CDK13: variants seen among roughly 807,000 people sequenced by gnomAD.
CDK13 encodes the protein cyclin-dependent kinase 13.
A neutral mutation model predicts 137.6 loss-of-function variants in CDK13; 40 were observed. The observed-to-expected ratio is 0.29, with a 90% CI of 0.23 to 0.38. The LOEUF (loss-of-function observed/expected upper bound fraction) is 0.38. Ranked by LOEUF, CDK13 falls within the 10% of genes least tolerant of loss-of-function variation. CDK13 has a pLI of 1.00. For missense variants in CDK13, 1,704 were observed against 1,951.8 expected (o/e 0.87, Z 2.39); for synonymous variants, 869 against 760.1 (o/e 1.14, Z -2.36).
chr7:40,086,190 A>C (rs937414898), intron 11 of CDK13, among the ~76,000 whole-genome samples: 2 of 152,232 alleles, frequency 1.3e-5, no homozygotes, highest in Non-Finnish European at 2.9e-5. Context: ...ATTTTATAAC[A>C]TGACTAATTG....
At position 40,019,333 on chromosome 7, in the gene CDK13, CTT is replaced by C. The variant is rs1221865696; in HGVS notation, c.2353+17303_2353+17304del. ...AAATTTTCTGTTAAAATGTAACAAA[CTT>C]AAGCTAAAATTCAGTTTATTCCTTT... On this transcript the variant is annotated intron_variant, in intron 5 of 13. Coordinates refer to ENST00000181839, the MANE Select transcript of CDK13 (RefSeq NM_003718.5). Among the ~76,000 whole-genome samples the C allele has an allele frequency of 5.9e-5, 9 of 152,204 alleles. No homozygotes were observed. The East Asian group carries it at 1.4e-3, about 23-fold the overall frequency.
At chr7:40,000,237 A>G (rs1419173648) in intron 4 of CDK13, among the ~76,000 whole-genome samples, 1 of 152,162 alleles carries the variant, frequency 6.6e-6, no homozygotes, top group Non-Finnish European at 1.5e-5. Flanking sequence ...TTAGCCGGGC[A>G]TAGTGGCACA....
At chr7:40,063,711 G>T (rs936982721) in intron 9 of CDK13, among the ~76,000 whole-genome samples, 1 of 151,788 alleles carries the variant, frequency 6.6e-6, no homozygotes, top group African/African-American at 2.4e-5. Flanking sequence ...AGGCTGGAGT[G>T]CAGTGGCATG....
In CDK13 at chr7:40,097,317, A is replaced by C. The variant is rs1787069248; in HGVS notation, c.*2337A>C. The C allele has an allele frequency of 6.6e-6, 1 of 152,106 alleles. No homozygotes were observed. The highest frequency in any genetic ancestry group is 2.4e-5 in the African/African-American group (1 of 41,446). The allele number at this position is 152,106 out of a possible 1,614,324, so 9.4% of individuals were successfully genotyped here. On this transcript the variant is annotated 3_prime_UTR_variant, in exon 14 of 14. Coordinates refer to ENST00000181839, the MANE Select transcript of CDK13 (RefSeq NM_003718.5). ...TTTTATATGTCACTTAGAAGAAAAAATGTTGCCAATTAAGCCACAATACAA... is the reference window on the plus strand; with the variant it reads ...TTTTATATGTCACTTAGAAGAAAAACTGTTGCCAATTAAGCCACAATACAA...
chr7:40,017,820 TA>T (rs1200720166), intron 5 of CDK13, among the ~76,000 whole-genome samples: 14 of 151,714 alleles, frequency 9.2e-5, no homozygotes, highest in African/African-American at 2.2e-4. Flanking sequence ...TTTTTTATAT[TA>T]AAAAAAATTC....
chr7:39,950,426 C>T lies in CDK13; in HGVS notation c.-216C>T. ...AATCGGGAGCTCCGCCGCCCGGATT[C>T]CTGCTTCCCTGGGGCCCGGAGGCTG... On this transcript the variant is annotated 5_prime_UTR_variant, in exon 1 of 14. Coordinates refer to ENST00000181839, the MANE Select transcript of CDK13 (RefSeq NM_003718.5). 2 of 1,232,336 alleles carry T rather than the reference C, an allele frequency of 1.6e-6. No individual in the cohort carries two copies. Among genetic ancestry groups the T allele is most frequent in the African/African-American group, 1.6e-5 (1 of 64,436 alleles). 76.3% of individuals were successfully genotyped at this position (1,232,336 alleles called of 1,614,324 possible).
intron 12 of CDK13, among the ~76,000 whole-genome samples, chr7:40,090,363 CTTTAAT>C (rs1441231658): frequency 1.3e-5 from 2 of 151,974 alleles, no homozygotes; most frequent in Admixed American, 6.6e-5. Flanking sequence ...CCTTTTTTAA[CTTTAAT>C]TTTTTTTTGA....
chr7:40,057,157 A>G (rs1353887588), intron 7 of CDK13, among the ~76,000 whole-genome samples: 1 of 152,170 alleles, frequency 6.6e-6, no homozygotes, highest in Non-Finnish European at 1.5e-5. Flanking sequence ...TGGGAGGCTG[A>G]GGCAGGAGAA....
At position 39,987,850 on chromosome 7, in the gene CDK13, A is replaced by C; in HGVS notation, c.1463A>C (p.Lys488Thr). The change falls in exon 2 of 14, where the codon AAA (lysine) becomes ACA (threonine). Residue 488 changes from lysine to threonine, a missense_variant. Transcript: ENST00000181839. ...GCTGAGGCTGCTGCCAAGGCTGCAA[A>C]AGCTTCAAACACTTCTACACCTACC... ...KAAEAAAKAA[K>T]ASNTSTPTKG... is the part of the protein sequence containing the mutation. 6.2e-7 allele frequency: 1 copy of C among 1,614,204 alleles called. No homozygotes were observed. Among genetic ancestry groups the C allele is most frequent in the East Asian group, 2.2e-5 (1 of 44,894 alleles).
intron 5 of CDK13, among the ~76,000 whole-genome samples, chr7:40,027,815 A>G (rs1005417609): frequency 2.6e-5 from 4 of 152,140 alleles, no homozygotes; most frequent in East Asian, 3.9e-4. Context: ...GAGATTTCCT[A>G]TACAGAGTGA....
Position 40,094,451 on chromosome 7 carries a change from A to G in CDK13, c.4010A>G (p.Asp1337Gly), listed in dbSNP as rs778510143. ...DTYVSTSDYK[D>G]NFGSSSFSSA... ...TACGTGTCCACTTCAGACTACAAGGACAACTTTGGATCCTCTTCTTTCTCT... is the reference window on the plus strand; with the variant it reads ...TACGTGTCCACTTCAGACTACAAGGGCAACTTTGGATCCTCTTCTTTCTCT... Residue 1337 changes from aspartate to glycine, a missense_variant, in exon 14 of 14, where the codon GAC (aspartate) becomes GGC (glycine). This residue lies in a region of CDK13 where 475 missense variants were observed against 579.3 expected (regional missense o/e 0.82). Transcript: ENST00000181839. 6.2e-7 allele frequency: 1 copy of G among 1,613,946 alleles called. No homozygotes were observed. The highest frequency in any genetic ancestry group is 1.1e-5 in the South Asian group (1 of 91,086).
Position 40,078,769 on chromosome 7 carries a change from C to A in CDK13, c.2947C>A (p.Pro983Thr). 6.4e-7 allele frequency: 1 copy of A among 1,551,040 alleles called. No individual in the cohort carries two copies. Among genetic ancestry groups the A allele is most frequent in the Non-Finnish European group, 8.7e-7 (1 of 1,146,684 alleles). The change falls in exon 11 of 14, where the codon CCT becomes ACT. Residue 983 changes from proline (P) to threonine (T), a missense_variant. Pro to Thr is a conservative substitution (Grantham distance 38). Coordinates refer to ENST00000181839, the MANE Select transcript of CDK13 (RefSeq NM_003718.5). Reference sequence around the variant, plus strand: ...ATTTGATTACATGCTTGCCTTGGATCCTAGTAAGCGCTGCACTGCTGAACA... The same window carrying A: ...ATTTGATTACATGCTTGCCTTGGATACTAGTAAGCGCTGCACTGCTGAACA... ...DLFDYMLALD[P>T]SKRCTAEQAL...
At chr7:39,963,143 T>C (rs1783788272) in intron 1 of CDK13, among the ~76,000 whole-genome samples, 1 of 152,170 alleles carries the variant, frequency 6.6e-6, no homozygotes, top group Non-Finnish European at 1.5e-5. Context: ...TAAAGTAGTT[T>C]TTTCCAATTC....
intron 7 of CDK13, 161 bp downstream of exon 7, chr7:40,048,038 G>A (rs964062460): frequency 2.9e-5 from 13 of 453,826 alleles, no homozygotes; most frequent in Middle Eastern, 5.8e-4. Context: ...GTTGATTATT[G>A]TAATTACAAT....
chr7:40,088,503 A>G (rs564769510), intron 12 of CDK13, among the ~76,000 whole-genome samples, 172 bp downstream of exon 12: 3 of 152,320 alleles, frequency 2.0e-5, no homozygotes, highest in South Asian at 2.1e-4. Flanking sequence ...TGGCACCACA[A>G]TTTTAAGTAA....
chr7:40,083,416 A>G (rs1393618732), intron 11 of CDK13, among the ~76,000 whole-genome samples: 1 of 152,164 alleles, frequency 6.6e-6, no homozygotes, highest in Non-Finnish European at 1.5e-5. Context: ...TTATGAAATG[A>G]CATTTTCTAG....
At chr7:40,047,079 C>T (rs1050951680) in intron 6 of CDK13, among the ~76,000 whole-genome samples, 1 of 148,884 alleles carries the variant, frequency 6.7e-6, no homozygotes, top group East Asian at 2.0e-4. Flanking sequence ...ACTTAGTTGA[C>T]TTTTCTGTTT....
intron 5 of CDK13, among the ~76,000 whole-genome samples, chr7:40,008,649 G>A (rs751786151): frequency 1.3e-5 from 2 of 152,168 alleles, no homozygotes; most frequent in Non-Finnish European, 2.9e-5. Context: ...TTGCTAAGGA[G>A]TCTGTTCTTA....
intron 2 of CDK13, among the ~76,000 whole-genome samples, chr7:39,993,915 A>G (rs931068055): frequency 2.6e-5 from 4 of 152,110 alleles, no homozygotes; most frequent in Non-Finnish European, 2.9e-5. Context: ...AATTGCCTTA[A>G]CAGTTTTGGA....
Sources: allele counts gnomAD v4.1 joint callset (sites outside exome capture counted in the v4.1 genomes callset), GRCh38; gene constraint gnomAD v4.1.1; regional missense constraint gnomAD v4.1.1; transcripts MANE v1.5; gene names NCBI Gene and HGNC (gene_info 2026-07-23, HGNC 2026-07-21).